SCNN1D: variants seen among roughly 807,000 people sequenced by gnomAD.
The protein encoded by SCNN1D is epithelial sodium channel subunit delta.
In SCNN1D, 104 loss-of-function variants were observed where a neutral mutation model predicts 87.8. The observed-to-expected ratio is 1.18, with a 90% confidence interval of 1.01 to 1.39. SCNN1D has a LOEUF of 1.39. Among genes scored for constraint, SCNN1D ranks in the 40% most tolerant of loss-of-function variants. SCNN1D has a pLI of 0.00. For missense variants in SCNN1D, 1,324 were observed against 1,093.9 expected (o/e 1.21, Z -2.97); for synonymous variants, 628 against 481.2 (o/e 1.31, Z -3.99).
At position 1,291,286 on chromosome 1, in the gene SCNN1D, C is replaced by T. The variant is rs747442841; in HGVS notation, c.2085C>T (p.Leu695=). The part of the protein sequence containing the change: ...VPQLLSAMGS[L]CSLWFGASVL... The stretch of plus-strand genomic sequence containing the variant: ...AGCTGCTCTCGGCCATGGGCAGCCT[C>T]TGCAGCCTGTGGTTTGGGGCCTCCG... The change falls in exon 18 of 18, where the codon CTC becomes CTT. Residue 695 remains leucine, a synonymous_variant. Transcript: ENST00000379116. The T allele has an allele frequency of 6.4e-7, 1 of 1,570,896 alleles. No individual in the cohort carries two copies. Among genetic ancestry groups the T allele is most frequent in the Non-Finnish European group, 8.6e-7 (1 of 1,160,420 alleles).
chr1:1,290,841 A>G (rs2273275), intron 15 of SCNN1D, 54 bp from the exon 16 acceptor site: 341,875 of 1,596,228 alleles, frequency 0.21, 64,070 homozygotes, highest in East Asian at 0.83. Flanking sequence ...CGTGGTACCC[A>G]GGATGGCCGG....
At chr1:1,282,787 C>G (rs1185372461) in intron 4 of SCNN1D, among the ~76,000 whole-genome samples, 8 of 149,786 alleles carry the variant, frequency 5.3e-5, no homozygotes, top group Non-Finnish European at 1.2e-4. Context: ...GAGTCTTGCT[C>G]TGTCGCCCAG....
rs113197404 is a variant in SCNN1D at position 1,290,373 on chromosome 1, C to G, written c.1765C>G (p.Arg589Gly). ...PAGAEYCSSA[R>G]HPAWGHCFYR... ...GGGGGCTGAGTACTGCAGCTCTGCC[C>G]GGCACCCTGCCTGGGGTGAGTCCTG... is the stretch of plus-strand genomic sequence containing the variant. Residue 589 changes from arginine (R) to glycine (G), a missense_variant, in exon 13 of 18, where the codon CGG (arginine) becomes GGG (glycine). Arg to Gly is a moderately radical substitution (Grantham distance 125). Transcript: ENST00000379116. 5 of 1,601,074 alleles carry G rather than the reference C, an allele frequency of 3.1e-6. No individual in the cohort carries two copies. The African/African-American group carries it at 4.0e-5, about 13-fold the overall frequency.
intron 3 of SCNN1D, 145 bp downstream of exon 3, chr1:1,281,755 A>G (rs1220076069): frequency 2.6e-6 from 2 of 755,252 alleles, no homozygotes; most frequent in Non-Finnish European, 4.2e-6. Flanking sequence ...GCCCCCGGCC[A>G]GGGCTCCCCC....
chr1:1,290,507 T>C lies in SCNN1D; in HGVS notation c.1811T>C (p.Leu604Pro). The C allele has an allele frequency of 6.2e-7, 1 of 1,612,666 alleles. No homozygotes were observed. The highest frequency in any genetic ancestry group is 8.5e-7 in the Non-Finnish European group (1 of 1,179,912). ...GHCFYRLYQD[L>P]ETHRLPCTSR... ...TGCTTCTACCGCCTCTACCAGGACC[T>C]GGAGACCCACCGGCTCCCCTGTACC... The change falls in exon 14 of 18, where the codon CTG becomes CCG. Residue 604 changes from leucine (L) to proline (P), a missense_variant. Leu to Pro is a moderately conservative substitution (Grantham distance 98). Coordinates refer to ENST00000379116, the MANE Select transcript of SCNN1D (RefSeq NM_001130413.4).
In SCNN1D at chr1:1,286,343, T is replaced by C. The variant is rs1640591364; in HGVS notation, c.911+65T>C. 7 of 1,309,756 alleles carry C rather than the reference T, an allele frequency of 5.3e-6. No individual in the cohort carries two copies. The East Asian group carries it at 1.8e-4, about 33-fold the overall frequency. 81.1% of individuals were successfully genotyped at this position (1,309,756 alleles called of 1,614,324 possible). On this transcript the variant is annotated intron_variant, in intron 7 of 17. Coordinates refer to ENST00000379116, the MANE Select transcript of SCNN1D (RefSeq NM_001130413.4). ...AGCTCCTTGCCCCTGTGACCGTCTC[T>C]AACCGAAGCCCCACTGGCCCCTGTA... is the stretch of plus-strand genomic sequence containing the variant.
In SCNN1D at chr1:1,284,101, G is replaced by C. The variant is rs1473240936; in HGVS notation, c.464+11G>C. ...GGCTCTCACCTCCAGGTACCGTGGG[G>C]GGGGGTGAGGGGGGTGGGGGGGTTG... On this transcript the variant is annotated intron_variant, in intron 5 of 17. Transcript: ENST00000379116. 4.6e-4 allele frequency: 4 copies of C among 8,762 alleles called. No individual in the cohort carries two copies. Among genetic ancestry groups the C allele is most frequent in the Non-Finnish European group, 6.0e-4 (4 of 6,708 alleles). 0.5% of individuals were successfully genotyped at this position (8,762 alleles called of 1,614,324 possible).
rs749187692 is a variant in SCNN1D, at chr1:1,290,380, C to G, written c.1772C>G (p.Pro591Arg). 2 of 1,602,688 alleles carry G rather than the reference C, an allele frequency of 1.2e-6. No homozygotes were observed. The highest frequency in any genetic ancestry group is 1.7e-5 in the Admixed American group (1 of 59,542). Residue 591 changes from proline to arginine, a missense_variant, in exon 13 of 18, where the codon CCT becomes CGT. Pro to Arg is a moderately radical substitution (Grantham distance 103, BLOSUM62 -2). Coordinates refer to ENST00000379116, the MANE Select transcript of SCNN1D (RefSeq NM_001130413.4). ...GAGTACTGCAGCTCTGCCCGGCACC[C>G]TGCCTGGGGTGAGTCCTGCTCGCTG... ...GAEYCSSARH[P>R]AWGHCFYRLY... is the part of the protein sequence containing the mutation.
rs1227898751 is a variant in SCNN1D, at chr1:1,287,501, A to AT, written c.1311-5dup. On this transcript the variant is annotated splice_region_variant and splice_polypyrimidine_tract_variant and intron_variant, in intron 9 of 17. Transcript: ENST00000379116. ...ATTCAAGGTCTGAGCTTGGCTTCTC[A>AT]TTCCAGACAGTTCCGGACCTTCCAC... is the stretch of plus-strand genomic sequence containing the variant. 1.3e-6 allele frequency: 2 copies of AT among 1,518,912 alleles called. No individual in the cohort carries two copies. Among genetic ancestry groups the AT allele is most frequent in the Non-Finnish European group, 1.8e-6 (2 of 1,132,360 alleles). The allele number at this position is 1,518,912 out of a possible 1,614,324, so 94.1% of individuals were successfully genotyped here.
chr1:1,286,992 G>C lies in SCNN1D; in HGVS notation c.1119+17G>C, dbSNP rs780145164. On this transcript the variant is annotated intron_variant, in intron 8 of 17. Coordinates refer to ENST00000379116, the MANE Select transcript of SCNN1D (RefSeq NM_001130413.4). ...TTCAGACTGGTGAGTGTCCCAGCCG[G>C]GGCCTGCAGCCATCAGGGCCTTGAG... is the stretch of plus-strand genomic sequence containing the variant. 6.2e-7 allele frequency: 1 copy of C among 1,607,032 alleles called. No homozygotes were observed. Among genetic ancestry groups the C allele is most frequent in the Non-Finnish European group, 8.5e-7 (1 of 1,176,232 alleles).
chr1:1,285,780 G>A (rs1640574915), intron 6 of SCNN1D, 116 bp downstream of exon 6: 6 of 1,185,606 alleles, frequency 5.1e-6, no homozygotes, highest in Non-Finnish European at 5.9e-6. Flanking sequence ...GGAGAAGGGC[G>A]CAGTGTCAGA....
chr1:1,286,596 G>A (rs1038213432), intron 7 of SCNN1D, among the ~76,000 whole-genome samples, 172 bp from the exon 8 acceptor site: 6 of 152,078 alleles, frequency 3.9e-5, no homozygotes, highest in African/African-American at 9.7e-5. Flanking sequence ...GCTGGGCTCC[G>A]GGGCCGACCT....
Position 1,288,489 on chromosome 1 carries a change from T to C in SCNN1D, c.1662+452T>C, listed in dbSNP as rs867154061. The stretch of plus-strand genomic sequence containing the variant: ...TCTCTGCTCCGTCCCGTGTCTCTGC[T>C]CCGTCCCGTGTCTCTGCCCCGTCCC... On this transcript the variant is annotated intron_variant, in intron 12 of 17. Coordinates refer to ENST00000379116, the MANE Select transcript of SCNN1D (RefSeq NM_001130413.4). 3.7e-3 allele frequency among the ~76,000 whole-genome samples: 138 copies of C among 37,160 alleles called. 1 individual carries two copies. Among genetic ancestry groups the C allele is most frequent in the Non-Finnish European group, 4.0e-3 (75 of 18,792 alleles). 24.4% of individuals were successfully genotyped at this position (37,160 alleles called of 152,430 possible).
At chr1:1,284,551 G>T (rs12073801) in intron 5 of SCNN1D, among the ~76,000 whole-genome samples, 5,251 of 148,628 alleles carry the variant, frequency 0.035, 140 homozygotes, top group African/African-American at 0.088. Flanking sequence ...GACCACGGGG[G>T]GTGCACAGCG....
Position 1,280,630 on chromosome 1 carries a change from A to T in SCNN1D, c.-32A>T. Reference sequence around the variant, plus strand: ...AGACTCAAGGCCTGAGGTGATGCTGATGCTGTGCCTGAATTCCAGCAGGGA... The same window carrying T: ...AGACTCAAGGCCTGAGGTGATGCTGTTGCTGTGCCTGAATTCCAGCAGGGA... On this transcript the variant is annotated 5_prime_UTR_variant, in exon 1 of 18. An upstream start codon of the reference 5' UTR is lost. Transcript: ENST00000379116. 1 of 699,952 alleles carries T rather than the reference A, an allele frequency of 1.4e-6. No individual in the cohort carries two copies. The highest frequency in any genetic ancestry group is 2.6e-6 in the Non-Finnish European group (1 of 383,758). The allele number at this position is 699,952 out of a possible 1,614,324, so 43.4% of individuals were successfully genotyped here.
At position 1,287,286 on chromosome 1, in the gene SCNN1D, G is replaced by A. The variant is rs778689291; in HGVS notation, c.1297G>A (p.Asp433Asn). The A allele has an allele frequency of 1.9e-6, 3 of 1,597,414 alleles. No homozygotes were observed. The Admixed American group carries it at 5.1e-5, about 27-fold the overall frequency. Residue 433 changes from aspartate (D) to asparagine (N), a missense_variant, in exon 9 of 18, where the codon GAC becomes AAC. By Grantham distance (23) the Asp-to-Asn change is conservative. Transcript: ENST00000379116. ...CCTCTCCTGCAGTTACGATGGCCTG[G>A]ACTGCCAGGCCCGGTGAGTGTGGCG... ...FVLSCSYDGL[D>N]CQARQFRTFH...
At chr1:1,287,899 G>C (rs371161772) in intron 11 of SCNN1D, 40 bp from the exon 12 acceptor site, 22 of 1,520,712 alleles carry the variant, frequency 1.4e-5, no homozygotes, top group East Asian at 2.5e-5. Flanking sequence ...GCTTTGGGGG[G>C]TGAGGGCAGG....
rs1017459170 is a variant in SCNN1D, at chr1:1,288,150, G to A, written c.1662+113G>A. ...GAGAGTACTAGAGGGCCTGGGAACG[G>A]GGCAGTCCCCGTGGAGGCCCGCACT... On this transcript the variant is annotated intron_variant, in intron 12 of 17. Coordinates refer to ENST00000379116, the MANE Select transcript of SCNN1D (RefSeq NM_001130413.4). The A allele has an allele frequency of 8.7e-6, 7 of 801,176 alleles. No individual in the cohort carries two copies. The Admixed American group carries it at 1.7e-4, about 19-fold the overall frequency. 49.6% of individuals were successfully genotyped at this position (801,176 alleles called of 1,614,324 possible).
Position 1,291,829 on chromosome 1 carries a change from C to T in SCNN1D, c.*219C>T, listed in dbSNP as rs1037259493. 4.0e-5 allele frequency: 18 copies of T among 451,936 alleles called. No homozygotes were observed. The highest frequency in any genetic ancestry group is 1.9e-4 in the Admixed American group (5 of 26,030). 28.0% of individuals were successfully genotyped at this position (451,936 alleles called of 1,614,324 possible). On this transcript the variant is annotated 3_prime_UTR_variant, in exon 18 of 18. Coordinates refer to ENST00000379116, the MANE Select transcript of SCNN1D (RefSeq NM_001130413.4). ...GGCCCGGGGCGGAGGGGGGTTCCCG[C>T]GTGCACACGAGTGCGGCTGGACGTG...
Sources: allele counts gnomAD v4.1 joint callset (sites outside exome capture counted in the v4.1 genomes callset), GRCh38; gene constraint gnomAD v4.1.1; transcripts MANE v1.5; gene names NCBI Gene and HGNC (gene_info 2026-07-23, HGNC 2026-07-21).